UNC13C: variants seen among roughly 807,000 people sequenced by gnomAD.
UNC13C encodes the protein unc-13 homolog C.
In UNC13C, 174 loss-of-function variants were observed where a neutral mutation model predicts 245.4. That is an observed-to-expected ratio of 0.71 (90% CI 0.63 to 0.80). The LOEUF is 0.80. UNC13C is among the 30% of genes least tolerant of loss of function. The probability of loss-of-function intolerance (pLI) is 0.00; values close to 1 mark genes in which losing one functional copy is unlikely to be tolerated. For missense variants in UNC13C, 2,829 were observed against 2,602.9 expected (o/e 1.09, Z -1.89); for synonymous variants, 992 against 895.1 (o/e 1.11, Z -1.93).
chr15:54,619,109 G>C (rs969950036), intron 30 of UNC13C, among the ~76,000 whole-genome samples: 11 of 152,108 alleles, frequency 7.2e-5, no homozygotes, highest in African/African-American at 2.7e-4. Context: ...CCAAACTTAG[G>C]ACTACGACAA....
the UNC13C span, among the ~76,000 whole-genome samples, chr15:53,934,074 C>T: frequency 6.6e-6 from 1 of 152,192 alleles, no homozygotes; most frequent in African/African-American, 2.4e-5. Context: ...GGAGAGCCAG[C>T]ATATTACATT....
chr15:54,625,423 G>A (rs1901071550), intron 32 of UNC13C, among the ~76,000 whole-genome samples: 1 of 152,110 alleles, frequency 6.6e-6, no homozygotes, highest in South Asian at 2.1e-4. Flanking sequence ...CTAAGTTTTT[G>A]GCATGAGGAG....
At chr15:53,845,585 C>A in the UNC13C span, among the ~76,000 whole-genome samples, 1 of 152,056 alleles carries the variant, frequency 6.6e-6, no homozygotes, top group Non-Finnish European at 1.5e-5. Context: ...TTATTGAATG[C>A]TTACTCTATG....
At chr15:53,958,490 T>C in the UNC13C span, among the ~76,000 whole-genome samples, 2 of 152,218 alleles carry the variant, frequency 1.3e-5, no homozygotes, top group African/African-American at 4.8e-5. Context: ...CAAGAGAAAC[T>C]AGAAAGGGCT....
At chr15:54,379,879 T>C (rs1262053535) in intron 17 of UNC13C, among the ~76,000 whole-genome samples, 1 of 152,208 alleles carries the variant, frequency 6.6e-6, no homozygotes, top group Non-Finnish European at 1.5e-5. Context: ...ATAAATTGAA[T>C]GTATTTATCA....
At position 54,325,249 on chromosome 15, in the gene UNC13C, T is replaced by G. The variant is rs2038266838; in HGVS notation, c.4425+3154T>G. On this transcript the variant is annotated intron_variant, in intron 14 of 32. Coordinates refer to ENST00000260323, the MANE Select transcript of UNC13C (RefSeq NM_001080534.3). ...TCTATATGCAATTTAATTCCAACAT[T>G]GAAGGCACACACACACATACATACA... Among the ~76,000 whole-genome samples, 3 of 151,822 alleles carry G rather than the reference T, an allele frequency of 2.0e-5. 1 individual carries two copies. The South Asian group carries it at 6.2e-4, about 31-fold the overall frequency.
the UNC13C span, among the ~76,000 whole-genome samples, chr15:53,920,645 C>T: frequency 6.6e-6 from 1 of 151,842 alleles, no homozygotes; most frequent in South Asian, 2.1e-4. Flanking sequence ...GTGTAGAAGG[C>T]CTTCAAAGAA....
chr15:54,580,993 G>A (rs1460772524), intron 30 of UNC13C, among the ~76,000 whole-genome samples: 1 of 152,192 alleles, frequency 6.6e-6, no homozygotes, highest in Non-Finnish European at 1.5e-5. Context: ...TGCTAGGTAT[G>A]TGACACCAGG....
intron 26 of UNC13C, among the ~76,000 whole-genome samples, chr15:54,541,644 G>C (rs924345724): frequency 3.9e-5 from 6 of 152,046 alleles, no homozygotes; most frequent in Non-Finnish European, 7.4e-5. Context: ...TCACTTCCGT[G>C]GACAAGTACC....
intron 19 of UNC13C, among the ~76,000 whole-genome samples, chr15:54,416,483 T>C (rs1336764966): frequency 6.6e-6 from 1 of 152,144 alleles, no homozygotes; most frequent in African/African-American, 2.4e-5. Flanking sequence ...AATTCCTTAC[T>C]TTGCAATGAG....
intron 17 of UNC13C, among the ~76,000 whole-genome samples, chr15:54,355,294 T>A (rs2039069677): frequency 6.6e-6 from 1 of 152,232 alleles, no homozygotes; most frequent in African/African-American, 2.4e-5. Context: ...ATTTCTATGA[T>A]CATGCAGTCT....
In UNC13C at chr15:54,627,338, G is replaced by C. The variant is rs1596713042; in HGVS notation, c.*225G>C. 4.9e-6 allele frequency: 2 copies of C among 407,910 alleles called. No individual in the cohort carries two copies. Among genetic ancestry groups the C allele is most frequent in the African/African-American group, 2.0e-5 (1 of 50,162 alleles). 25.3% of individuals were successfully genotyped at this position (407,910 alleles called of 1,614,324 possible). ...ATTATGATGTAAAGTGAAATATCAAGAACACCTTTTAACATGTTTATTTTG... is the reference window on the plus strand; with the variant it reads ...ATTATGATGTAAAGTGAAATATCAACAACACCTTTTAACATGTTTATTTTG... On this transcript the variant is annotated 3_prime_UTR_variant, in exon 33 of 33. Coordinates refer to ENST00000260323, the MANE Select transcript of UNC13C (RefSeq NM_001080534.3).
At chr15:54,441,405 G>A (rs557540205) in intron 19 of UNC13C, among the ~76,000 whole-genome samples, 1 of 152,096 alleles carries the variant, frequency 6.6e-6, no homozygotes, top group South Asian at 2.1e-4. Context: ...AACTTTTCTA[G>A]CACCATTTAT....
chr15:53,888,982 A>G, the UNC13C span, among the ~76,000 whole-genome samples: 1 of 152,078 alleles, frequency 6.6e-6, no homozygotes, highest in Non-Finnish European at 1.5e-5. Context: ...GTCAGGTAGC[A>G]TGATCCCTCC....
intron 4 of UNC13C, among the ~76,000 whole-genome samples, chr15:54,169,049 C>T (rs866451805): frequency 6.6e-6 from 1 of 152,192 alleles, no homozygotes; most frequent in African/African-American, 2.4e-5. Context: ...GTTTTTGTCA[C>T]ATGTTGGATA....
chr15:54,207,294 G>C (rs2034746847), intron 4 of UNC13C, among the ~76,000 whole-genome samples: 1 of 152,072 alleles, frequency 6.6e-6, no homozygotes, highest in East Asian at 1.9e-4. Context: ...CAAGGTGAGG[G>C]AGTTCTTGCT....
chr15:54,122,502 A>G (rs550273737), intron 2 of UNC13C, among the ~76,000 whole-genome samples: 1 of 152,214 alleles, frequency 6.6e-6, no homozygotes, highest in East Asian at 1.9e-4. Flanking sequence ...CTCTGTATGT[A>G]TAACGCATCC....
At chr15:54,149,843 C>G (rs1485268071) in intron 4 of UNC13C, among the ~76,000 whole-genome samples, 1 of 152,070 alleles carries the variant, frequency 6.6e-6, no homozygotes, top group Non-Finnish European at 1.5e-5. Flanking sequence ...AATAGAAATA[C>G]AAGATCACAA....
chr15:54,232,041 T>A (rs1018227650), intron 4 of UNC13C, among the ~76,000 whole-genome samples: 2 of 152,134 alleles, frequency 1.3e-5, no homozygotes, highest in African/African-American at 4.8e-5. Flanking sequence ...CTTATCTATA[T>A]TTATCAAGTG....
Sources: allele counts gnomAD v4.1 joint callset (sites outside exome capture counted in the v4.1 genomes callset), GRCh38; gene constraint gnomAD v4.1.1; transcripts MANE v1.5; gene names NCBI Gene and HGNC (gene_info 2026-07-23, HGNC 2026-07-21).